WDPCP: variants seen among roughly 807,000 people sequenced by gnomAD.
The protein encoded by WDPCP is WD repeat containing planar cell polarity effector.
WDPCP carries 71 observed loss-of-function variants against 93.1 expected under a neutral mutation model. The observed-to-expected ratio is 0.76, with a 90% CI of 0.63 to 0.93. The LOEUF (loss-of-function observed/expected upper bound fraction) is 0.93. Among genes scored for constraint, WDPCP ranks in the 40% least tolerant of loss-of-function variants. The pLI is 0.00. For missense variants in WDPCP, 844 were observed against 887.4 expected, an observed-to-expected ratio of 0.95 and a Z score of 0.62; for synonymous variants, 315 against 315.0, an observed-to-expected ratio of 1.00 and a Z score of 0.00.
chr2:63,444,475 C>T (rs1048556477), intron 6 of WDPCP, among the ~76,000 whole-genome samples: 11 of 152,144 alleles, frequency 7.2e-5, no homozygotes, highest in African/African-American at 2.7e-4. Context: ...GTGCTATTCT[C>T]ACCTCTGCCT....
rs147391959 is a variant in WDPCP, at chr2:63,586,320, A to T, written c.75+1877T>A. ...TGAATTAAATATTACCTTACTAAAT[A>T]ACGCGAGGCTGGGCAAAAAAAATGT... is the stretch of plus-strand genomic sequence containing the variant. On this transcript the variant is annotated intron_variant, in intron 1 of 17. Coordinates refer to ENST00000272321, the MANE Select transcript of WDPCP (RefSeq NM_015910.7). Among the ~76,000 whole-genome samples, 477 of 152,344 alleles carry T rather than the reference A, an allele frequency of 3.1e-3. 4 individuals are homozygous for T. Among genetic ancestry groups the T allele is most frequent in the African/African-American group, 0.011 (457 of 41,582 alleles).
chr2:63,527,552 TC>T (rs1448756166), intron 1 of WDPCP, among the ~76,000 whole-genome samples: 1 of 151,960 alleles, frequency 6.6e-6, no homozygotes, highest in African/African-American at 2.4e-5. Flanking sequence ...CATGACCTCA[TC>T]CTTTTTTATG....
At chr2:63,237,409 AG>A (rs1679494022) in intron 14 of WDPCP, among the ~76,000 whole-genome samples, 1 of 152,188 alleles carries the variant, frequency 6.6e-6, no homozygotes, top group East Asian at 1.9e-4. Flanking sequence ...CAGCCCCAGT[AG>A]AAAGCAGTTT....
chr2:63,400,658 A>T (rs1323155019), intron 10 of WDPCP, among the ~76,000 whole-genome samples: 1 of 152,210 alleles, frequency 6.6e-6, no homozygotes, highest in Non-Finnish European at 1.5e-5. Context: ...TTTCATATGG[A>T]ACCAAAAAGG....
intron 1 of WDPCP, among the ~76,000 whole-genome samples, chr2:63,528,740 A>C (rs1027993815): frequency 6.6e-6 from 1 of 152,324 alleles, no homozygotes; most frequent in Non-Finnish European, 1.5e-5. Context: ...TGTTTTTCCA[A>C]TTCTGTGAAG....
intron 6 of WDPCP, among the ~76,000 whole-genome samples, chr2:63,455,063 G>A (rs1247366212): frequency 2.0e-5 from 3 of 152,016 alleles, no homozygotes; most frequent in Admixed American, 1.3e-4. Flanking sequence ...TCCTAACCCT[G>A]GAAGTGAAAG....
chr2:63,632,171 G>A (rs186259060), intron 3 of WDPCP, among the ~76,000 whole-genome samples: 15 of 152,266 alleles, frequency 9.9e-5, no homozygotes, highest in East Asian at 3.9e-4. Flanking sequence ...GCACAGCACC[G>A]CCTTGTTGAA....
At chr2:63,322,786 G>A (rs1411943318) in intron 12 of WDPCP, among the ~76,000 whole-genome samples, 1 of 151,706 alleles carries the variant, frequency 6.6e-6, no homozygotes, top group Admixed American at 6.6e-5. Context: ...TGGGACCATC[G>A]CCTATCGCCA....
intron 2 of WDPCP, chr2:63,684,625 A>G: frequency 5.6e-6 from 4 of 709,746 alleles, no homozygotes; most frequent in Non-Finnish European, 1.1e-5. Context: ...CTGCTCTTAA[A>G]CGCAAGGCCT....
intron 1 of WDPCP, among the ~76,000 whole-genome samples, chr2:63,572,120 C>T (rs532624058): frequency 4.6e-5 from 7 of 152,276 alleles, no homozygotes; most frequent in Non-Finnish European, 8.8e-5. Flanking sequence ...GCAAAAATCC[C>T]ATATCGTGTA....
At chr2:63,447,725 A>G (rs1226991837) in intron 6 of WDPCP, among the ~76,000 whole-genome samples, 1 of 152,138 alleles carries the variant, frequency 6.6e-6, no homozygotes, top group African/African-American at 2.4e-5. Context: ...CTATGTATCT[A>G]GTAAAAATAG....
chr2:63,630,409 T>G (rs1460999785), intron 3 of WDPCP, among the ~76,000 whole-genome samples: 1 of 151,968 alleles, frequency 6.6e-6, no homozygotes, highest in African/African-American at 2.4e-5. Flanking sequence ...AATATAATGA[T>G]AGAGACAGGG....
At chr2:63,533,623 C>A (rs971428418) in intron 1 of WDPCP, among the ~76,000 whole-genome samples, 2 of 151,910 alleles carry the variant, frequency 1.3e-5, no homozygotes, top group Non-Finnish European at 2.9e-5. Context: ...GGGTACATAA[C>A]GAAATGAAGG....
intron 6 of WDPCP, among the ~76,000 whole-genome samples, chr2:63,483,988 T>C (rs1700417263): frequency 6.6e-6 from 1 of 151,990 alleles, no homozygotes; most frequent in South Asian, 2.1e-4. Context: ...GAGATGGAAA[T>C]GTTCTGTATC....
At chr2:63,699,405 T>A (rs188125690) in intron 2 of WDPCP, among the ~76,000 whole-genome samples, 1 of 152,228 alleles carries the variant, frequency 6.6e-6, no homozygotes, top group East Asian at 1.9e-4. Flanking sequence ...CGAATCTGGA[T>A]GCAAGTATTT....
At chr2:63,395,454 A>G (rs1693637164) in intron 10 of WDPCP, among the ~76,000 whole-genome samples, 1 of 152,104 alleles carries the variant, frequency 6.6e-6, no homozygotes, top group Non-Finnish European at 1.5e-5. Flanking sequence ...CCCACTGTTT[A>G]GCTCCCACCT....
intron 9 of WDPCP, among the ~76,000 whole-genome samples, chr2:63,418,667 A>T (rs188480338): frequency 7.9e-4 from 120 of 152,342 alleles, no homozygotes; most frequent in African/African-American, 2.7e-3. Flanking sequence ...GTGATAACGA[A>T]CAGGGTAAAA....
intron 9 of WDPCP, among the ~76,000 whole-genome samples, chr2:63,429,212 T>TA (rs1458293557): frequency 6.6e-6 from 1 of 152,120 alleles, no homozygotes; most frequent in African/African-American, 2.4e-5. Context: ...TTAAAAAACT[T>TA]AAAGGTAAGA....
At chr2:63,606,582 A>G (rs926029770) in intron 3 of WDPCP, among the ~76,000 whole-genome samples, 2 of 152,152 alleles carry the variant, frequency 1.3e-5, no homozygotes, top group African/African-American at 2.4e-5. Flanking sequence ...TACAAATAGT[A>G]TATTTCTAAA....
Sources: gnomAD v4.1 joint callset for allele counts (sites outside exome capture counted in the v4.1 genomes callset) on GRCh38, gnomAD v4.1.1 for gene constraint, MANE v1.5 for transcripts, NCBI Gene and HGNC (gene_info 2026-07-23, HGNC 2026-07-21) for gene names.